The following BTLA variants were observed in gnomAD, a reference collection of about 807,000 sequenced individuals.
The protein encoded by BTLA is B- and T-lymphocyte attenuator.
BTLA carries 11 observed loss-of-function variants against 25.0 expected under a neutral mutation model. The ratio of observed to expected loss-of-function variants is 0.44; its 90% CI spans 0.28 to 0.73. The LOEUF is 0.73. Among genes scored for constraint, BTLA ranks in the 30% least tolerant of loss-of-function variants. BTLA has a pLI of 0.15. For synonymous variants in BTLA, 104 were observed against 119.8 expected (o/e 0.87, Z 0.86); for missense variants, 282 against 332.8 (o/e 0.85, Z 1.19).
chr3:112,495,831 G>A (rs183348130), intron 1 of BTLA, among the ~76,000 whole-genome samples: 108 of 152,276 alleles, frequency 7.1e-4, no homozygotes, highest in African/African-American at 2.5e-3. Context: ...AACAATCTGT[G>A]TGGGATGTGG....
rs188370431 is a variant in BTLA, at chr3:112,473,603, T to C, written c.404-2248A>G. 4.3e-4 allele frequency among the ~76,000 whole-genome samples: 63 copies of C among 146,302 alleles called. 2 individuals carry two copies. The East Asian group carries it at 0.012, about 29-fold the overall frequency. ...ATCACATTTTGGGGAAGTTCTTTTT[T>C]TCTTCTTCTTTTTTTTTTTTTTTTT... On this transcript the variant is annotated intron_variant, in intron 2 of 4. Transcript: ENST00000334529.
At chr3:112,491,003 G>A (rs2082377146) in intron 1 of BTLA, among the ~76,000 whole-genome samples, 1 of 152,156 alleles carries the variant, frequency 6.6e-6, no homozygotes, top group South Asian at 2.1e-4. Context: ...AGCCACTGAA[G>A]ACTTTAAGCT....
rs889624089 is a variant in BTLA, at chr3:112,465,994, T to C, written c.*114A>G. 6 of 1,243,224 alleles carry C rather than the reference T, an allele frequency of 4.8e-6. No homozygotes were observed. Among genetic ancestry groups the C allele is most frequent in the Non-Finnish European group, 6.6e-6 (6 of 904,238 alleles). The allele number at this position is 1,243,224 out of a possible 1,614,324, so 77.0% of individuals were successfully genotyped here. On this transcript the variant is annotated 3_prime_UTR_variant, in exon 5 of 5. Coordinates refer to ENST00000334529, the MANE Select transcript of BTLA (RefSeq NM_181780.4). ...TAAGACCCAAGCACTAACATGAACATTTCTAAAGTAAAAATTCTCAAATTG... is the reference window on the plus strand; with the variant it reads ...TAAGACCCAAGCACTAACATGAACACTTCTAAAGTAAAAATTCTCAAATTG...
chr3:112,486,006 G>A (rs149639662), intron 1 of BTLA, among the ~76,000 whole-genome samples: 2,366 of 152,256 alleles, frequency 0.016, 61 homozygotes, highest in African/African-American at 0.053. Flanking sequence ...AGTCCCAGCT[G>A]CTCGGCAGAC....
intron 2 of BTLA, among the ~76,000 whole-genome samples, chr3:112,478,735 T>C (rs1050123785): frequency 3.3e-5 from 5 of 152,170 alleles, no homozygotes; most frequent in Non-Finnish European, 5.9e-5. Flanking sequence ...CCTTTCACCA[T>C]TGAATATGAT....
chr3:112,479,359 T>C (rs2082305482), intron 2 of BTLA, 96 bp downstream of exon 2: 26 of 1,172,572 alleles, frequency 2.2e-5, no homozygotes, highest in Non-Finnish European at 3.1e-5. Context: ...GCTATAGGAG[T>C]TGGCTTTCTA....
In BTLA at chr3:112,471,210, A is replaced by T. The variant is rs1368195654; in HGVS notation, c.547+2T>A. The T allele has an allele frequency of 6.2e-7, 1 of 1,613,654 alleles. No homozygotes were observed. Among genetic ancestry groups the T allele is most frequent in the Non-Finnish European group, 8.5e-7 (1 of 1,179,820 alleles). ...TGGGGGCAGAGGGAAAATAGAACCCACCTTGGTGCCTTCTCAGGCAGCAGA... is the reference window on the plus strand; with the variant it reads ...TGGGGGCAGAGGGAAAATAGAACCCTCCTTGGTGCCTTCTCAGGCAGCAGA... On this transcript the variant is annotated splice_donor_variant, in intron 3 of 4. Transcript: ENST00000334529. LOFTEE classifies it high-confidence loss of function.
rs577617730 is a variant in BTLA, at chr3:112,499,096, T to G, written c.88+175A>C. On this transcript the variant is annotated intron_variant, in intron 1 of 4. Coordinates refer to ENST00000334529, the MANE Select transcript of BTLA (RefSeq NM_181780.4). The stretch of plus-strand genomic sequence containing the variant: ...ATGATTAGGCAGGTGAATACTATGT[T>G]CTAATTTGGTTTATGCTCTACGATG... 2.0e-4 allele frequency among the ~76,000 whole-genome samples: 31 copies of G among 152,334 alleles called. No individual in the cohort carries two copies. The South Asian group carries it at 6.4e-3, about 32-fold the overall frequency.
At chr3:112,485,133 C>T (rs1048977987) in intron 1 of BTLA, among the ~76,000 whole-genome samples, 1 of 152,102 alleles carries the variant, frequency 6.6e-6, no homozygotes, top group African/African-American at 2.4e-5. Context: ...CAGCCTCCGC[C>T]TCCCAGGTTC....
chr3:112,494,313 T>C (rs1017843705), intron 1 of BTLA, among the ~76,000 whole-genome samples: 1 of 151,938 alleles, frequency 6.6e-6, no homozygotes, highest in East Asian at 1.9e-4. Context: ...TTGGTGGGAG[T>C]GTAAATTAGT....
intron 2 of BTLA, among the ~76,000 whole-genome samples, chr3:112,477,930 C>T (rs547922187): frequency 4.6e-5 from 7 of 151,814 alleles, no homozygotes; most frequent in African/African-American, 9.7e-5. Flanking sequence ...CAATTGACTA[C>T]GGATGTATGG....
chr3:112,477,073 C>T (rs1203476474), intron 2 of BTLA, among the ~76,000 whole-genome samples: 1 of 152,078 alleles, frequency 6.6e-6, no homozygotes, highest in Non-Finnish European at 1.5e-5. Context: ...TTCCTTTATC[C>T]ATTCATCAGC....
rs1300050659 is a variant in BTLA at position 112,465,719 on chromosome 3, G to A, written c.*389C>T. ...TTGGTTAGTCAAATTGGGACATTTT[G>A]TTTTCAAGAGTGTGTAGTGAACTGA... On this transcript the variant is annotated 3_prime_UTR_variant, in exon 5 of 5. Transcript: ENST00000334529. The A allele has an allele frequency of 3.2e-5, 5 of 157,256 alleles. No individual in the cohort carries two copies. The highest frequency in any genetic ancestry group is 5.6e-5 in the Non-Finnish European group (4 of 71,424). 9.7% of individuals were successfully genotyped at this position (157,256 alleles called of 1,614,324 possible).
At chr3:112,472,333 GGTT>G (rs780170434) in intron 2 of BTLA, among the ~76,000 whole-genome samples, 18 of 151,964 alleles carry the variant, frequency 1.2e-4, no homozygotes, top group African/African-American at 3.6e-4. Flanking sequence ...TGTAAGATCT[GGTT>G]GTTGTTGTTG....
chr3:112,485,705 A>C (rs1020527132), intron 1 of BTLA, among the ~76,000 whole-genome samples: 2 of 152,162 alleles, frequency 1.3e-5, no homozygotes, highest in Non-Finnish European at 2.9e-5. Flanking sequence ...CGGAACCATC[A>C]GTTATTTTTA....
intron 1 of BTLA, among the ~76,000 whole-genome samples, chr3:112,491,979 A>C (rs1366761440): frequency 3.3e-5 from 5 of 152,242 alleles, no homozygotes; most frequent in Non-Finnish European, 7.3e-5. Flanking sequence ...AAATATATTA[A>C]CCAGCAAGGC....
intron 1 of BTLA, among the ~76,000 whole-genome samples, chr3:112,484,060 G>T (rs1053376756): frequency 3.3e-5 from 5 of 152,158 alleles, no homozygotes; most frequent in African/African-American, 1.2e-4. Context: ...CTATACTTGA[G>T]CTGAACCTTG....
At chr3:112,494,891 G>GA (rs962450608) in intron 1 of BTLA, among the ~76,000 whole-genome samples, 17 of 151,126 alleles carry the variant, frequency 1.1e-4, no homozygotes, top group African/African-American at 2.7e-4. Flanking sequence ...AAGAAATAAA[G>GA]AAAAAAAAGA....
At chr3:112,478,000 C>T (rs988682705) in intron 2 of BTLA, among the ~76,000 whole-genome samples, 6 of 95,448 alleles carry the variant, frequency 6.3e-5, no homozygotes, top group Non-Finnish European at 1.6e-4. Context: ...CATGACAATA[C>T]TATTCTTTTT....
Sources: gnomAD v4.1 joint callset for allele counts (sites outside exome capture counted in the v4.1 genomes callset) on GRCh38, gnomAD v4.1.1 for gene constraint, MANE v1.5 for transcripts, NCBI Gene and HGNC (gene_info 2026-07-23, HGNC 2026-07-21) for gene names.